The following KHDRBS2 variants were observed in gnomAD, a reference collection of about 807,000 sequenced individuals.
The protein encoded by KHDRBS2 is KH RNA binding domain containing, signal transduction associated 2.
A neutral mutation model predicts 44.3 loss-of-function variants in KHDRBS2; 26 were observed. The ratio of observed to expected loss-of-function variants is 0.59; its 90% CI spans 0.43 to 0.81. The LOEUF is 0.81. Ranked by LOEUF, KHDRBS2 falls within the 40% of genes least tolerant of loss-of-function variation. KHDRBS2 has a pLI of 0.00. For missense variants in KHDRBS2, 476 were observed against 433.1 expected, an observed-to-expected ratio of 1.10 and a Z score of -0.88; for synonymous variants, 194 against 151.1, an observed-to-expected ratio of 1.28 and a Z score of -2.08.
At chr6:61,965,230 T>A (rs575682977) in intron 4 of KHDRBS2, among the ~76,000 whole-genome samples, 1 of 152,144 alleles carries the variant, frequency 6.6e-6, no homozygotes, top group African/African-American at 2.4e-5. Context: ...ACTTGAAACA[T>A]CTGCTCCCCC....
chr6:61,895,631 T>A (rs2127335208), intron 5 of KHDRBS2, among the ~76,000 whole-genome samples: 1 of 152,312 alleles, frequency 6.6e-6, no homozygotes, highest in African/African-American at 2.4e-5. Flanking sequence ...GTGGCCAATT[T>A]TTATGGCATT....
chr6:62,161,433 T>C (rs188511079), intron 2 of KHDRBS2, among the ~76,000 whole-genome samples: 1 of 151,522 alleles, frequency 6.6e-6, no homozygotes, highest in East Asian at 1.9e-4. Flanking sequence ...GTATTAGATA[T>C]TATAAATTAT....
At chr6:62,113,191 G>A (rs568697793) in intron 2 of KHDRBS2, among the ~76,000 whole-genome samples, 43 of 152,046 alleles carry the variant, frequency 2.8e-4, no homozygotes, top group African/African-American at 1.0e-3. Flanking sequence ...CATTAAGAAT[G>A]GACATTCTTT....
At chr6:62,189,470 C>T (rs762121333) in intron 1 of KHDRBS2, among the ~76,000 whole-genome samples, 13 of 152,024 alleles carry the variant, frequency 8.6e-5, no homozygotes, top group East Asian at 3.9e-4. Flanking sequence ...CCATTTTAAG[C>T]GCTTAGGTTT....
chr6:61,640,117 G>T, the KHDRBS2 span, among the ~76,000 whole-genome samples: 1 of 151,984 alleles, frequency 6.6e-6, no homozygotes, highest in South Asian at 2.1e-4. Flanking sequence ...AGTTAGAGAT[G>T]CATACTGAAT....
At chr6:62,266,551 C>T (rs1839234338) in intron 1 of KHDRBS2, among the ~76,000 whole-genome samples, 1 of 151,908 alleles carries the variant, frequency 6.6e-6, no homozygotes, top group South Asian at 2.1e-4. Flanking sequence ...ATGTGGGCTC[C>T]TTTTTTTGCA....
intron 6 of KHDRBS2, among the ~76,000 whole-genome samples, chr6:61,737,520 G>A (rs1227859496): frequency 6.6e-6 from 1 of 152,066 alleles, no homozygotes; most frequent in Non-Finnish European, 1.5e-5. Context: ...CGTTTAAGAT[G>A]TCAACACTGC....
At chr6:61,858,949 C>G (rs1284867317) in intron 6 of KHDRBS2, among the ~76,000 whole-genome samples, 4 of 151,760 alleles carry the variant, frequency 2.6e-5, no homozygotes, top group African/African-American at 9.7e-5. Flanking sequence ...AAAATTACTT[C>G]TACACATGGA....
At chr6:61,818,954 C>T (rs1289650138) in intron 6 of KHDRBS2, among the ~76,000 whole-genome samples, 2 of 151,894 alleles carry the variant, frequency 1.3e-5, no homozygotes, top group Admixed American at 6.6e-5. Context: ...CTAGGAATTG[C>T]GTTTTTGGAG....
chr6:61,774,127 G>T (rs1359692826), intron 6 of KHDRBS2, among the ~76,000 whole-genome samples: 1 of 152,082 alleles, frequency 6.6e-6, no homozygotes, highest in Non-Finnish European at 1.5e-5. Context: ...GGCGATGCAG[G>T]CTCTTTTTTG....
chr6:62,188,696 A>T (rs1452912964), intron 1 of KHDRBS2, among the ~76,000 whole-genome samples: 2 of 152,140 alleles, frequency 1.3e-5, no homozygotes, highest in Admixed American at 6.6e-5. Flanking sequence ...ACATTTAAGA[A>T]ATTGCTAGAA....
At chr6:61,924,287 A>T (rs1808570546) in intron 4 of KHDRBS2, among the ~76,000 whole-genome samples, 1 of 152,108 alleles carries the variant, frequency 6.6e-6, no homozygotes, top group South Asian at 2.1e-4. Context: ...TTCCTGCAAC[A>T]GTAAGTGGGC....
rs1226585777 is a variant in KHDRBS2, at chr6:62,265,591, T to C, written c.91+20267A>G. 3.9e-5 allele frequency among the ~76,000 whole-genome samples: 6 copies of C among 152,154 alleles called. No individual in the cohort carries two copies. In the East Asian group the frequency reaches 1.2e-3, roughly 29 times the overall value. On this transcript the variant is annotated intron_variant, in intron 1 of 8. Coordinates refer to ENST00000281156, the MANE Select transcript of KHDRBS2 (RefSeq NM_152688.4). ...AAAATGAATCAGCTAAGTGTTATAT[T>C]TTCAAATACATTTAGTTTAACCAAC... is the stretch of plus-strand genomic sequence containing the variant.
At chr6:62,259,903 A>T in intron 1 of KHDRBS2, among the ~76,000 whole-genome samples, 1 of 152,014 alleles carries the variant, frequency 6.6e-6, no homozygotes, top group East Asian at 1.9e-4. Context: ...GTTCAAATAC[A>T]TTGTACAGTT....
intron 2 of KHDRBS2, among the ~76,000 whole-genome samples, chr6:62,085,938 A>G (rs912793257): frequency 6.6e-6 from 1 of 152,132 alleles, no homozygotes; most frequent in African/African-American, 2.4e-5. Flanking sequence ...TTAGCAAAAT[A>G]TGTGATCTGC....
At chr6:61,902,830 A>G (rs181572192) in intron 4 of KHDRBS2, among the ~76,000 whole-genome samples, 36 of 152,212 alleles carry the variant, frequency 2.4e-4, no homozygotes, top group African/African-American at 8.4e-4. Context: ...TCACCCACAC[A>G]CCTCTGTCTA....
At chr6:61,817,589 G>A (rs1582993445) in intron 6 of KHDRBS2, among the ~76,000 whole-genome samples, 2 of 151,938 alleles carry the variant, frequency 1.3e-5, no homozygotes, top group Admixed American at 6.6e-5. Context: ...AAATACCTTC[G>A]ATTTTGGAGA....
chr6:62,259,233 T>C (rs1366328145), intron 1 of KHDRBS2, among the ~76,000 whole-genome samples: 3 of 151,800 alleles, frequency 2.0e-5, no homozygotes. Context: ...ATGGATAATT[T>C]CAGAATTCAG....
At chr6:61,713,225 C>T (rs564029999) in intron 7 of KHDRBS2, among the ~76,000 whole-genome samples, 1 of 151,506 alleles carries the variant, frequency 6.6e-6, no homozygotes, top group Non-Finnish European at 1.5e-5. Context: ...CTTTAATGTA[C>T]CATATTTGTT....
Sources: allele counts gnomAD v4.1 joint callset (sites outside exome capture counted in the v4.1 genomes callset), GRCh38; gene constraint gnomAD v4.1.1; transcripts MANE v1.5; gene names NCBI Gene and HGNC (gene_info 2026-07-23, HGNC 2026-07-21).